PEX16: variants seen among roughly 807,000 people sequenced by gnomAD.
PEX16 encodes peroxin 16.
A neutral mutation model predicts 50.5 loss-of-function variants in PEX16; 37 were observed. The ratio of observed to expected loss-of-function variants is 0.73; its 90% confidence interval spans 0.56 to 0.96. The LOEUF is 0.96. Among genes scored for constraint, PEX16 ranks in the 40% least tolerant of loss-of-function variants. The pLI is 0.00. For missense variants in PEX16, 401 were observed against 438.3 expected, an observed-to-expected ratio of 0.91 and a Z score of 0.76; for synonymous variants, 185 against 190.3, an observed-to-expected ratio of 0.97 and a Z score of 0.23.
chr11:45,913,281 A>G (rs1270374473), intron 9 of PEX16, among the ~76,000 whole-genome samples: 1 of 152,178 alleles, frequency 6.6e-6, no homozygotes, highest in Admixed American at 6.5e-5. Flanking sequence ...AACTAGTCCC[A>G]AGCTGCCCCC....
In PEX16 at chr11:45,913,828, C is replaced by T. The variant is rs780466184; in HGVS notation, c.878G>A (p.Arg293His). 6.8e-6 allele frequency: 11 copies of T among 1,613,918 alleles called. No individual in the cohort carries two copies. Among genetic ancestry groups the T allele is most frequent in the African/African-American group, 1.3e-5 (1 of 75,054 alleles). The change falls in exon 9 of 11, where the codon CGC (arginine) becomes CAC (histidine). Residue 293 changes from arginine to histidine, a missense_variant. Physicochemically the swap from Arg to His is conservative, Grantham distance 29. Transcript: ENST00000378750. ...TGTCCTGGGTGCTTACTCGGAGAAG[C>T]GGTCATAGAAAGGAGAGCGCAGCAG... ...YYLLRSPFYD[R>H]FSEARILFLL...
At chr11:45,915,610 C>A in intron 4 of PEX16, 42 bp from the exon 5 acceptor site, 1 of 1,612,890 alleles carries the variant, frequency 6.2e-7, no homozygotes, top group African/African-American at 1.3e-5. Flanking sequence ...AGGTGGCTAG[C>A]CGGCGGGAGG....
At chr11:45,915,877 TACAGGGAGTCCCAGG>T in intron 3 of PEX16, 41 bp from the exon 4 acceptor site, 1 of 1,603,348 alleles carries the variant, frequency 6.2e-7, no homozygotes, top group East Asian at 2.2e-5. Flanking sequence ...GGCCTGGGAC[TACAGGGAGTCCCAGG>T]CCCTTCTCCT....
At chr11:45,918,261 A>AT (rs1257009227), upstream of PEX16, 21 of 270,588 alleles carry the variant, frequency 7.8e-5, no homozygotes, top group African/African-American at 4.0e-4. Context: ...GCAGGGCCGG[A>AT]TTTTAAAGGG....
At chr11:45,914,039 G>A (rs2086805610) in intron 8 of PEX16, 92 bp downstream of exon 8, 10 of 1,575,958 alleles carry the variant, frequency 6.3e-6, no homozygotes, top group African/African-American at 1.3e-5. Context: ...GCAACAGGAG[G>A]AGCAGGGGCC....
intron 9 of PEX16, 112 bp from the exon 10 acceptor site, chr11:45,911,074 G>A: frequency 1.3e-6 from 1 of 772,252 alleles, no homozygotes; most frequent in Non-Finnish European, 2.3e-6. Context: ...GCGCATTCCA[G>A]AAAACAAAGG....
chr11:45,915,064 C>A (rs182694855), intron 5 of PEX16, among the ~76,000 whole-genome samples: 3 of 152,368 alleles, frequency 2.0e-5, no homozygotes, highest in Admixed American at 2.0e-4. Context: ...CAATGAACGG[C>A]CCCAACTCAA....
chr11:45,910,012 C>T lies in PEX16; in HGVS notation c.*242G>A. On this transcript the variant is annotated 3_prime_UTR_variant, in exon 11 of 11. Coordinates refer to ENST00000378750, the MANE Select transcript of PEX16 (RefSeq NM_004813.4). ...CTTTCTGTGGGAGAGGAGCCTGGAT[C>T]CCACTCCTAGTGAAGGCTTCTTGGC... 7.7e-7 allele frequency: 1 copy of T among 1,302,540 alleles called. No homozygotes were observed. The highest frequency in any genetic ancestry group is 2.3e-5 in the East Asian group (1 of 43,446). 80.7% of individuals were successfully genotyped at this position (1,302,540 alleles called of 1,614,324 possible). A position where few individuals can be genotyped will look rare whatever the true frequency, so the allele number is the denominator to read the frequency against.
Position 45,915,810 on chromosome 11 carries a change from T to C in PEX16, c.252A>G (p.Thr84=), listed in dbSNP as rs367893667. The C allele has an allele frequency of 1.1e-5, 17 of 1,613,624 alleles. No homozygotes were observed. The highest frequency in any genetic ancestry group is 8.0e-5 in the African/African-American group (6 of 74,836). ...CCACGCACTCCAGCACGCTCAGCCA[T>C]GTCAGCAGCTTCTGCTGGGACAGCG... ...PVSLSQQKLL[T]WLSVLECVEV... is the part of the protein sequence containing the mutation. The change falls in exon 4 of 11, where the codon ACA becomes ACG. Residue 84 remains threonine, a synonymous_variant. Coordinates refer to ENST00000378750, the MANE Select transcript of PEX16 (RefSeq NM_004813.4).
At chr11:45,917,588 C>T (rs2086850995) in intron 1 of PEX16, 95 bp from the exon 2 acceptor site, 34 of 1,522,072 alleles carry the variant, frequency 2.2e-5, no homozygotes, top group Non-Finnish European at 3.1e-5. Context: ...CTTTGGGAAC[C>T]TGGACGGGTC....
intron 9 of PEX16, among the ~76,000 whole-genome samples, chr11:45,912,864 T>A (rs115049442): frequency 0.019 from 2,959 of 152,068 alleles, 97 homozygotes; most frequent in African/African-American, 0.066. Flanking sequence ...ACTTACTCTG[T>A]CACCCAGGCT....
intron 10 of PEX16, 114 bp from the exon 11 acceptor site, chr11:45,910,426 C>T: frequency 1.1e-6 from 1 of 870,756 alleles, no homozygotes; most frequent in Non-Finnish European, 1.9e-6. Context: ...CTGTCTTGCC[C>T]TGCCCCCAGG....
chr11:45,916,231 G>A lies in PEX16; in HGVS notation c.221C>T (p.Pro74Leu), dbSNP rs775069669. ...TGTTCTTGGCAGAATTCTCACCACA[G>A]GCAACTTTTTCCGAAGCTCCTTCCG... ...ILRKELRKKL[P>L]VSLSQQKLLT... Residue 74 changes from proline (P) to leucine (L), a missense_variant, in exon 3 of 11, where the codon CCT becomes CTT. By Grantham distance (98) the Pro-to-Leu change is moderately conservative. Coordinates refer to ENST00000378750, the MANE Select transcript of PEX16 (RefSeq NM_004813.4). The A allele has an allele frequency of 2.5e-6, 4 of 1,613,414 alleles. No individual in the cohort carries two copies. In the Admixed American group the frequency reaches 5.0e-5, roughly 20 times the overall value.
At chr11:45,917,094 G>C (rs754508350) in intron 2 of PEX16, 2 of 570,446 alleles carry the variant, frequency 3.5e-6, no homozygotes, top group South Asian at 3.0e-5. Context: ...CTTGAATCTT[G>C]GTTCTGGGAC....
In PEX16 at chr11:45,914,394, G is replaced by A; in HGVS notation, c.616C>T (p.Leu206=). 6.2e-7 allele frequency: 1 copy of A among 1,609,962 alleles called. No homozygotes were observed. Among genetic ancestry groups the A allele is most frequent in the Non-Finnish European group, 8.5e-7 (1 of 1,180,004 alleles). Residue 206 remains leucine, a synonymous_variant, in exon 7 of 11, where the codon CTG becomes TTG. Transcript: ENST00000378750. ...EGRQQQHHEE[L]SATPTPLGLQ... ...CCCAGGGGGGTGGGGGTCGCACTCA[G>A]CTCCTCGTGATGCTGCTGCTGCCGT...
chr11:45,910,376 C>T (rs2086763886), intron 10 of PEX16, 64 bp from the exon 11 acceptor site: 5 of 1,343,908 alleles, frequency 3.7e-6, no homozygotes, highest in South Asian at 3.5e-5. Context: ...GCGCCACATA[C>T]AGCACCTCAC....
At chr11:45,918,745 G>C (rs2086868184), upstream of PEX16, 1 of 152,262 alleles carries the variant, frequency 6.6e-6, no homozygotes, top group African/African-American at 2.4e-5. Context: ...CCCAAGGGAA[G>C]GGGAGACCCC....
At position 45,915,495 on chromosome 11, in the gene PEX16, C is replaced by G; in HGVS notation, c.433G>C (p.Asp145His). Residue 145 changes from aspartate to histidine, a missense_variant, in exon 5 of 11, where the codon GAC becomes CAC. Asp to His is a moderately conservative substitution (Grantham distance 81). Transcript: ENST00000378750. Reference sequence around the variant, plus strand: ...GGGGGCTGTGCCTGGGTCTCTCTGTCCAGTGGAACGATAGGGGGTGAAGTC... The same window carrying G: ...GGGGGCTGTGCCTGGGTCTCTCTGTGCAGTGGAACGATAGGGGGTGAAGTC... ...LQTSPPIVPLDRETQAQPPDG... is the reference protein window; with the variant it reads ...LQTSPPIVPLHRETQAQPPDG... The G allele has an allele frequency of 6.2e-7, 1 of 1,614,126 alleles. No individual in the cohort carries two copies. The highest frequency in any genetic ancestry group is 8.5e-7 in the Non-Finnish European group (1 of 1,180,020).
At chr11:45,914,905 T>A (rs1178728969) in intron 5 of PEX16, among the ~76,000 whole-genome samples, 1 of 152,082 alleles carries the variant, frequency 6.6e-6, no homozygotes, top group Non-Finnish European at 1.5e-5. Context: ...TGGGGAAAGC[T>A]CAGCATAGCT....
Sources: allele counts gnomAD v4.1 joint callset (sites outside exome capture counted in the v4.1 genomes callset), GRCh38; gene constraint gnomAD v4.1.1; transcripts MANE v1.5; gene names NCBI Gene and HGNC (gene_info 2026-07-23, HGNC 2026-07-21).